TMEM128: variants seen among roughly 807,000 people sequenced by gnomAD.
The protein encoded by TMEM128 is transmembrane protein 128.
In TMEM128, 16 loss-of-function variants were observed where a neutral mutation model predicts 19.7. The observed-to-expected ratio is 0.81, with a 90% CI of 0.55 to 1.23. The LOEUF (loss-of-function observed/expected upper bound fraction) is 1.23. TMEM128 is among the 50% of genes most tolerant of loss of function. The pLI, the probability that TMEM128 is intolerant of heterozygous loss-of-function variation, is 0.00. For synonymous variants in TMEM128, 98 were observed against 75.8 expected (o/e 1.29, Z -1.52); for missense variants, 237 against 200.8 (o/e 1.18, Z -1.09).
chr4:4,245,763 C>T (rs867152406), intron 2 of TMEM128, among the ~76,000 whole-genome samples: 2 of 147,722 alleles, frequency 1.4e-5, no homozygotes, highest in African/African-American at 2.4e-5. Flanking sequence ...TATATATATA[C>T]ACACACACAT....
At chr4:4,237,100 T>G in intron 4 of TMEM128, 1 of 455,730 alleles carries the variant, frequency 2.2e-6, no homozygotes, top group African/African-American at 2.0e-5. Flanking sequence ...AGAAATTCTA[T>G]AAATAACACC....
At chr4:4,244,876 T>G (rs1718104957) in intron 2 of TMEM128, among the ~76,000 whole-genome samples, 1 of 152,160 alleles carries the variant, frequency 6.6e-6, no homozygotes, top group Admixed American at 6.5e-5. Flanking sequence ...GTGAGTGACA[T>G]GGAGGGGCAG....
At chr4:4,240,987 G>A (rs527311377) in intron 2 of TMEM128, among the ~76,000 whole-genome samples, 2 of 152,362 alleles carry the variant, frequency 1.3e-5, no homozygotes, top group South Asian at 4.1e-4. Context: ...TGAGGCAGGA[G>A]AATCGCCTGA....
intron 2 of TMEM128, 24 bp from the exon 3 acceptor site, chr4:4,240,503 G>C: frequency 2.5e-6 from 4 of 1,604,260 alleles, no homozygotes; most frequent in Non-Finnish European, 3.4e-6. Flanking sequence ...AACAGTAAGA[G>C]GTCTGACAGC....
At chr4:4,242,573 C>T (rs1718006155) in intron 2 of TMEM128, among the ~76,000 whole-genome samples, 1 of 151,500 alleles carries the variant, frequency 6.6e-6, no homozygotes, top group African/African-American at 2.4e-5. Context: ...GGCTGGAGTG[C>T]AATGGCACGA....
At chr4:4,236,568 A>G (rs1311792800) in intron 4 of TMEM128, among the ~76,000 whole-genome samples, 1 of 152,196 alleles carries the variant, frequency 6.6e-6, no homozygotes, top group African/African-American at 2.4e-5. Flanking sequence ...TCCGGGCCCA[A>G]AGCCGCTTGT....
chr4:4,244,966 CCT>C (rs2108821224), intron 2 of TMEM128, among the ~76,000 whole-genome samples: 1 of 152,270 alleles, frequency 6.6e-6, no homozygotes, highest in East Asian at 1.9e-4. Context: ...CCTACTTTCC[CCT>C]GTGGGCTTTT....
At chr4:4,242,573 C>CAATG (rs1718006244) in intron 2 of TMEM128, among the ~76,000 whole-genome samples, 1 of 151,500 alleles carries the variant, frequency 6.6e-6, no homozygotes, top group Non-Finnish European at 1.5e-5. Flanking sequence ...GGCTGGAGTG[C>CAATG]AATGGCACGA....
chr4:4,240,606 T>C, intron 2 of TMEM128, 127 bp from the exon 3 acceptor site: 4 of 1,021,162 alleles, frequency 3.9e-6, no homozygotes, highest in Non-Finnish European at 5.6e-6. Flanking sequence ...GAGCCATACT[T>C]AAACAATCCA....
rs1214332354 is a variant in TMEM128, at chr4:4,248,184, G to C, written c.19C>G (p.Arg7Gly). MDSSRA[R>G]QQLRRRFLLL... ...AGGAATCGCCGCCGGAGCTGCTGCCGGGCCCGCGAGGAGTCCATCTTGGTA... is the reference window on the plus strand; with the variant it reads ...AGGAATCGCCGCCGGAGCTGCTGCCCGGCCCGCGAGGAGTCCATCTTGGTA... The change falls in exon 1 of 5, where the codon CGG becomes GGG. Residue 7 changes from arginine (R) to glycine (G), a missense_variant. Transcript: ENST00000382753. The C allele has an allele frequency of 1.3e-5, 20 of 1,526,506 alleles. 1 individual carries two copies. The South Asian group carries it at 1.6e-4, about 12-fold the overall frequency. The allele number at this position is 1,526,506 out of a possible 1,614,324, so 94.6% of individuals were successfully genotyped here. A position where few individuals can be genotyped will look rare whatever the true frequency, so the allele number is the denominator to read the frequency against.
At chr4:4,246,081 C>A (rs1002470986) in intron 2 of TMEM128, 121 bp downstream of exon 2, 1 of 1,018,256 alleles carries the variant, frequency 9.8e-7, no homozygotes, top group Non-Finnish European at 1.4e-6. Context: ...TATCACCACA[C>A]CTCCAACACA....
At chr4:4,242,626 C>T (rs1001602358) in intron 2 of TMEM128, among the ~76,000 whole-genome samples, 1 of 151,980 alleles carries the variant, frequency 6.6e-6, no homozygotes, top group Non-Finnish European at 1.5e-5. Flanking sequence ...TCAAGCTATC[C>T]TCCTGCCTCA....
At chr4:4,240,218 G>T in intron 3 of TMEM128, 103 bp downstream of exon 3, 1 of 1,184,186 alleles carries the variant, frequency 8.4e-7, no homozygotes, top group Non-Finnish European at 1.2e-6. Flanking sequence ...CTATTTTTCT[G>T]TTTTAACTTT....
rs1180986719 is a variant in TMEM128, at chr4:4,240,375, T to C, written c.344A>G (p.Lys115Arg). The C allele has an allele frequency of 3.7e-6, 6 of 1,614,094 alleles. No homozygotes were observed. The highest frequency in any genetic ancestry group is 1.6e-4 in the Middle Eastern group (1 of 6,084). The change falls in exon 3 of 5, where the codon AAG becomes AGG. Residue 115 changes from lysine to arginine, a missense_variant. Coordinates refer to ENST00000382753, the MANE Select transcript of TMEM128 (RefSeq NM_001297551.2). ...GGTAATGGGTATCAAGGCTGGATAC[T>C]TGACATCATATTCTCCAATTCCACA... ...WYCGIGEYDV[K>R]YPALIPITTA...
At chr4:4,243,334 G>A (rs1008964434) in intron 2 of TMEM128, among the ~76,000 whole-genome samples, 10 of 152,046 alleles carry the variant, frequency 6.6e-5, no homozygotes, top group East Asian at 1.9e-4. Flanking sequence ...CGCCCGCCTC[G>A]GCCTCCCAAA....
At chr4:4,247,964 C>T (rs1718262734) in intron 1 of TMEM128, 142 bp downstream of exon 1, 5 of 1,439,862 alleles carry the variant, frequency 3.5e-6, no homozygotes, top group Non-Finnish European at 4.5e-6. Context: ...CTCCGCGATT[C>T]TAAGGATCTT....
At chr4:4,243,412 C>T (rs1220530848) in intron 2 of TMEM128, among the ~76,000 whole-genome samples, 2 of 152,172 alleles carry the variant, frequency 1.3e-5, no homozygotes, top group Non-Finnish European at 2.9e-5. Context: ...CCTGCTCTCC[C>T]ATCTTTGAAC....
chr4:4,247,979 G>A (rs1718264438), intron 1 of TMEM128, 127 bp downstream of exon 1: 39 of 1,450,260 alleles, frequency 2.7e-5, no homozygotes, highest in Admixed American at 5.3e-5. Flanking sequence ...GATCTTCCCT[G>A]ACATTAAATA....
At chr4:4,238,334 T>C (rs1456142200) in intron 3 of TMEM128, among the ~76,000 whole-genome samples, 1 of 152,238 alleles carries the variant, frequency 6.6e-6, no homozygotes, top group Non-Finnish European at 1.5e-5. Flanking sequence ...ATGAAAACAG[T>C]TATCACTTAT....
Sources: gnomAD v4.1 joint callset for allele counts (sites outside exome capture counted in the v4.1 genomes callset) on GRCh38, gnomAD v4.1.1 for gene constraint, MANE v1.5 for transcripts, NCBI Gene and HGNC (gene_info 2026-07-23, HGNC 2026-07-21) for gene names.